The following PCDH17 variants were observed in gnomAD, a reference collection of about 807,000 sequenced individuals.
PCDH17 encodes protocadherin 17.
In PCDH17, 21 loss-of-function variants were observed where a neutral mutation model predicts 67.7. The observed-to-expected ratio is 0.31, with a 90% CI of 0.22 to 0.45. The LOEUF (loss-of-function observed/expected upper bound fraction) is 0.45, where lower values mean the gene tolerates loss of function less well. Among genes scored for constraint, PCDH17 ranks in the 20% least tolerant of loss-of-function variants. The probability of loss-of-function intolerance (pLI) is 1.00; values close to 1 mark genes in which losing one functional copy is unlikely to be tolerated. For missense variants in PCDH17, 1,471 were observed against 1,564.8 expected (o/e 0.94, Z 1.01); for synonymous variants, 701 against 656.7 (o/e 1.07, Z -1.03).
chr13:57,658,447 C>G (rs1441080412), intron 1 of PCDH17, among the ~76,000 whole-genome samples: 3 of 152,072 alleles, frequency 2.0e-5, no homozygotes, highest in Non-Finnish European at 2.9e-5. Flanking sequence ...TATTTCTGAT[C>G]GATTTTTAAA....
chr13:57,692,240 A>G (rs1171056852), intron 3 of PCDH17, among the ~76,000 whole-genome samples: 1 of 151,200 alleles, frequency 6.6e-6, no homozygotes, highest in Non-Finnish European at 1.5e-5. Flanking sequence ...AGAGAGTCTC[A>G]ATTTCTTATC....
intron 1 of PCDH17, among the ~76,000 whole-genome samples, chr13:57,661,087 T>C (rs560192218): frequency 2.6e-5 from 4 of 152,278 alleles, no homozygotes; most frequent in Middle Eastern, 6.8e-3. Context: ...CAGGTTGTTT[T>C]CCAGGGTAGG....
intron 3 of PCDH17, among the ~76,000 whole-genome samples, chr13:57,699,628 T>C (rs1955644126): frequency 6.6e-6 from 1 of 151,914 alleles, no homozygotes; most frequent in Non-Finnish European, 1.5e-5. Flanking sequence ...CTTTTATAAC[T>C]CTTAATTTGG....
chr13:57,702,145 T>C (rs1047133768), intron 3 of PCDH17, among the ~76,000 whole-genome samples: 3 of 152,092 alleles, frequency 2.0e-5, no homozygotes, highest in African/African-American at 4.8e-5. Context: ...CTCGAGCTCC[T>C]GACCTCTGGT....
At chr13:57,642,272 C>T (rs1025388456) in intron 1 of PCDH17, among the ~76,000 whole-genome samples, 5 of 151,662 alleles carry the variant, frequency 3.3e-5, no homozygotes, top group South Asian at 2.1e-4. Flanking sequence ...TTCTTGTTTA[C>T]GCTCTCAGCT....
rs1955909976 is a variant in PCDH17, at chr13:57,725,545, AAAAG to A, written c.*253_*256del. 2 of 408,432 alleles carry A rather than the reference AAAAG, an allele frequency of 4.9e-6. No individual in the cohort carries two copies. The allele number at this position is 408,432 out of a possible 1,614,324, so 25.3% of individuals were successfully genotyped here. A position where few individuals can be genotyped will look rare whatever the true frequency, so the allele number is the denominator to read the frequency against. Reference sequence around the variant, plus strand: ...TAATGATGCTTAAAGAGAAAAGAAAAAAAGAGAGAAGAAAAAGGAGAGATGAAAA... The same window carrying A: ...TAATGATGCTTAAAGAGAAAAGAAAAAGAGAAGAAAAAGGAGAGATGAAAA... On this transcript the variant is annotated 3_prime_UTR_variant, in exon 4 of 4. Coordinates refer to ENST00000377918, the MANE Select transcript of PCDH17 (RefSeq NM_001040429.3).
chr13:57,632,617 C>T lies in PCDH17; in HGVS notation c.71C>T (p.Ser24Phe), dbSNP rs764263504. 1 of 1,613,812 alleles carries T rather than the reference C, an allele frequency of 6.2e-7. No homozygotes were observed. The highest frequency in any genetic ancestry group is 2.2e-5 in the East Asian group (1 of 44,844). Reference sequence around the variant, plus strand: ...CTCACTCTCAAGAACCTCAACTACTCCGTGCCGGAGGAGCAAGGGGCCGGC... The same window carrying T: ...CTCACTCTCAAGAACCTCAACTACTTCGTGCCGGAGGAGCAAGGGGCCGGC... ...PALTLKNLNYSVPEEQGAGTV... is the reference protein window; with the variant it reads ...PALTLKNLNYFVPEEQGAGTV... The change falls in exon 1 of 4, where the codon TCC (serine) becomes TTC (phenylalanine). Residue 24 changes from serine (S) to phenylalanine (F), a missense_variant. This residue lies in a region of PCDH17 where 1,163 missense variants were observed against 1,230.0 expected (regional missense o/e 0.95). Coordinates refer to ENST00000377918, the MANE Select transcript of PCDH17 (RefSeq NM_001040429.3).
At position 57,725,286 on chromosome 13, in the gene PCDH17, A is replaced by C. The variant is rs769393371; in HGVS notation, c.3472A>C (p.Arg1158=). 1.3e-6 allele frequency: 2 copies of C among 1,556,342 alleles called. No individual in the cohort carries two copies. The highest frequency in any genetic ancestry group is 4.5e-5 in the East Asian group (2 of 44,262). Residue 1158 remains arginine (R), a synonymous_variant, in exon 4 of 4, where the codon AGA becomes CGA. Coordinates refer to ENST00000377918, the MANE Select transcript of PCDH17 (RefSeq NM_001040429.3). ...CCGGGGAAACGACCCTGTGGCTGTG[A>C]GAAAGTGAAAAAAGAAAAAAAAAAA... ...DCRGNDPVAV[R]K is the part of the protein sequence containing the mutation.
intron 3 of PCDH17, among the ~76,000 whole-genome samples, chr13:57,684,979 G>C (rs928553459): frequency 6.6e-6 from 1 of 151,856 alleles, no homozygotes; most frequent in Non-Finnish European, 1.5e-5. Flanking sequence ...ATACAGCACA[G>C]TAATTAATTT....
chr13:57,700,401 C>T (rs1346008921), intron 3 of PCDH17, among the ~76,000 whole-genome samples: 1 of 151,338 alleles, frequency 6.6e-6, no homozygotes, highest in African/African-American at 2.4e-5. Flanking sequence ...TCACTGCAAC[C>T]ACTGCCTCCC....
intron 3 of PCDH17, among the ~76,000 whole-genome samples, chr13:57,693,936 T>C (rs1325195368): frequency 1.3e-5 from 2 of 148,532 alleles, no homozygotes; most frequent in Admixed American, 6.7e-5. Context: ...TTACACATTG[T>C]AGGTACATAA....
chr13:57,646,404 G>A (rs749404245), intron 1 of PCDH17, among the ~76,000 whole-genome samples: 8 of 151,494 alleles, frequency 5.3e-5, no homozygotes, highest in Non-Finnish European at 1.0e-4. Context: ...TGGTTTACTG[G>A]TTTTTCATTT....
chr13:57,719,924 T>C (rs1955858996), intron 3 of PCDH17, among the ~76,000 whole-genome samples: 1 of 152,068 alleles, frequency 6.6e-6, no homozygotes, highest in Admixed American at 6.6e-5. Flanking sequence ...ATGATAATTT[T>C]GGGCATCATT....
chr13:57,653,694 C>A (rs759392941), intron 1 of PCDH17, among the ~76,000 whole-genome samples: 6 of 152,042 alleles, frequency 3.9e-5, no homozygotes, highest in Non-Finnish European at 7.4e-5. Flanking sequence ...GGAGTAAGTT[C>A]TGGGTATAAG....
At chr13:57,700,396 G>A (rs934713834) in intron 3 of PCDH17, among the ~76,000 whole-genome samples, 3 of 147,582 alleles carry the variant, frequency 2.0e-5, no homozygotes, top group Admixed American at 6.9e-5. Flanking sequence ...TTGGCTCACT[G>A]CAACCACTGC....
intron 3 of PCDH17, among the ~76,000 whole-genome samples, chr13:57,698,744 A>G (rs1035791064): frequency 1.3e-5 from 2 of 151,982 alleles, no homozygotes; most frequent in Admixed American, 6.6e-5. Context: ...GATGCCTAAT[A>G]AAATGGCCTT....
intron 3 of PCDH17, among the ~76,000 whole-genome samples, chr13:57,673,775 C>T (rs1412555320): frequency 6.6e-6 from 1 of 151,868 alleles, no homozygotes; most frequent in East Asian, 2.0e-4. Context: ...CCAGGACTTC[C>T]AATTATTTTC....
intron 3 of PCDH17, among the ~76,000 whole-genome samples, chr13:57,719,559 T>G (rs1031906161): frequency 6.6e-6 from 1 of 152,174 alleles, no homozygotes; most frequent in East Asian, 1.9e-4. Context: ...AAGCACCAAG[T>G]AAGTCTGAAA....
At chr13:57,642,273 G>A (rs1342302952) in intron 1 of PCDH17, among the ~76,000 whole-genome samples, 1 of 151,532 alleles carries the variant, frequency 6.6e-6, no homozygotes, top group Non-Finnish European at 1.5e-5. Flanking sequence ...TCTTGTTTAC[G>A]CTCTCAGCTA....
Sources: gnomAD v4.1 joint callset for allele counts (sites outside exome capture counted in the v4.1 genomes callset) on GRCh38, gnomAD v4.1.1 for gene constraint, gnomAD v4.1.1 regional missense constraint, MANE v1.5 for transcripts, NCBI Gene and HGNC (gene_info 2026-07-23, HGNC 2026-07-21) for gene names.